ESR1: variants seen among roughly 807,000 people sequenced by gnomAD.
ESR1 encodes estrogen receptor 1.
A neutral mutation model predicts 52.7 loss-of-function variants in ESR1; 12 were observed. The ratio of observed to expected loss-of-function variants is 0.23; its 90% CI spans 0.15 to 0.37. ESR1 has a LOEUF of 0.37. Among genes scored for constraint, ESR1 ranks in the 10% least tolerant of loss-of-function variants. ESR1 has a pLI of 1.00. For synonymous variants in ESR1, 305 were observed against 316.8 expected, an observed-to-expected ratio of 0.96 and a Z score of 0.39; for missense variants, 584 against 779.7, an observed-to-expected ratio of 0.75 and a Z score of 2.99.
At chr6:151,686,412 G>A (rs1345063937), upstream of ESR1, among the ~76,000 whole-genome samples, 2 of 152,108 alleles carry the variant, frequency 1.3e-5, 1 homozygote, top group South Asian at 4.1e-4. Flanking sequence ...GGGGCTGGAC[G>A]CAGTGGCTCA....
chr6:151,982,486 A>G (rs1175070342), intron 4 of ESR1, among the ~76,000 whole-genome samples: 1 of 151,712 alleles, frequency 6.6e-6, no homozygotes, highest in Non-Finnish European at 1.5e-5. Flanking sequence ...GGCAAAGTTA[A>G]TATTTTTTTT....
intron 4 of ESR1, among the ~76,000 whole-genome samples, chr6:151,967,699 C>T (rs951679513): frequency 6.6e-6 from 1 of 152,128 alleles, no homozygotes; most frequent in African/African-American, 2.4e-5. Flanking sequence ...GGTATATACC[C>T]AGTAATGGGA....
At chr6:151,970,879 T>C (rs2038838926) in intron 4 of ESR1, among the ~76,000 whole-genome samples, 1 of 152,222 alleles carries the variant, frequency 6.6e-6, no homozygotes. Context: ...AGGCCAAGCT[T>C]AGATGCTATT....
intron 2 of ESR1, among the ~76,000 whole-genome samples, chr6:151,879,636 T>A (rs187753145): frequency 6.6e-6 from 1 of 152,306 alleles, no homozygotes; most frequent in East Asian, 1.9e-4. Flanking sequence ...GAACATCTTT[T>A]GAGTGTTTTC....
intron 6 of ESR1, among the ~76,000 whole-genome samples, chr6:152,093,044 C>T (rs1175361452): frequency 6.6e-6 from 1 of 151,948 alleles, no homozygotes; most frequent in Non-Finnish European, 1.5e-5. Flanking sequence ...TTTGGGAGGC[C>T]GAGGCAGGTG....
chr6:151,744,288 G>A (rs1369296176), intron 2 of ESR1, among the ~76,000 whole-genome samples: 2 of 152,038 alleles, frequency 1.3e-5, no homozygotes, highest in Admixed American at 6.6e-5. Flanking sequence ...CTAACTTTTT[G>A]AGAAATCTTC....
intron 3 of ESR1, among the ~76,000 whole-genome samples, chr6:151,924,834 T>A (rs2032386481): frequency 6.6e-6 from 1 of 152,184 alleles, no homozygotes; most frequent in South Asian, 2.1e-4. Flanking sequence ...TGTACTACAT[T>A]GTTTTTTTTT....
intron 2 of ESR1, among the ~76,000 whole-genome samples, chr6:151,715,002 T>C (rs1175732757): frequency 2.0e-5 from 3 of 152,220 alleles, no homozygotes; most frequent in Non-Finnish European, 4.4e-5. Flanking sequence ...ATTTAGTGTT[T>C]CTTTTAGGAG....
intron 5 of ESR1, among the ~76,000 whole-genome samples, chr6:152,045,685 T>G (rs572102909): frequency 1.3e-5 from 2 of 152,178 alleles, no homozygotes; most frequent in African/African-American, 4.8e-5. Context: ...AAGAACTCAA[T>G]GAAGGTTAGC....
At chr6:151,900,524 T>C (rs961290887) in intron 3 of ESR1, among the ~76,000 whole-genome samples, 2 of 152,216 alleles carry the variant, frequency 1.3e-5, no homozygotes, top group African/African-American at 4.8e-5. Context: ...AACCTTGTTT[T>C]GTCGTATTAC....
chr6:152,102,394 T>C lies in ESR1; in HGVS notation c.*3428T>C. The C allele has an allele frequency of 4.8e-6, 1 of 207,532 alleles. No individual in the cohort carries two copies. The highest frequency in any genetic ancestry group is 7.4e-5 in the East Asian group (1 of 13,592). The allele number at this position is 207,532 out of a possible 1,614,324, so 12.9% of individuals were successfully genotyped here. ...GGAGTGATCACTAACACCATAGTAA[T>C]GTCTAATATTCACAGGCAGATCTGC... On this transcript the variant is annotated 3_prime_UTR_variant, in exon 8 of 8. Coordinates refer to ENST00000206249, the MANE Select transcript of ESR1 (RefSeq NM_000125.4).
intron 1 of ESR1, chr6:151,701,822 A>G (rs1306053137): frequency 6.6e-6 from 1 of 152,192 alleles, no homozygotes; most frequent in African/African-American, 2.4e-5. Context: ...AATTAAGGAA[A>G]TCTGTAGAAA....
upstream of ESR1, among the ~76,000 whole-genome samples, chr6:151,806,861 A>G (rs1018392443): frequency 6.6e-6 from 1 of 152,040 alleles, no homozygotes; most frequent in Non-Finnish European, 1.5e-5. Flanking sequence ...TGCATAACCA[A>G]CCTGTGGAAG....
chr6:152,121,029 C>T (rs891773030), intron 6 of ESR1, among the ~76,000 whole-genome samples: 1 of 152,116 alleles, frequency 6.6e-6, no homozygotes, highest in Admixed American at 6.6e-5. Context: ...CAACAAGCTC[C>T]GGCAATTACT....
At chr6:151,807,496 C>G (rs867239), upstream of ESR1, 14,934 of 294,968 alleles carry the variant, frequency 0.051, 1,178 homozygotes, top group African/African-American at 0.17. Context: ...TATCCAGCAG[C>G]GACGACAAGT....
At chr6:151,707,412 T>C (rs1486957258) in intron 2 of ESR1, among the ~76,000 whole-genome samples, 1 of 151,980 alleles carries the variant, frequency 6.6e-6, no homozygotes, top group Non-Finnish European at 1.5e-5. Context: ...ACAATATAAT[T>C]AATAAAAATC....
In ESR1 at chr6:151,760,335, G is replaced by A. The variant is rs1300930402; in HGVS notation, c.-70-47508G>A. ...GACCACCCAACAAGGCATTGTAGTT[G>A]GTGGAAAACTCCATTGAAGAAAGGG... On this transcript the variant is annotated intron_variant, in intron 2 of 2. Transcript: ENST00000404742. 3.3e-5 allele frequency among the ~76,000 whole-genome samples: 5 copies of A among 152,154 alleles called. No individual in the cohort carries two copies. In the East Asian group the frequency reaches 9.6e-4, roughly 29 times the overall value.
At chr6:151,687,620 C>T (rs1246488308), upstream of ESR1, among the ~76,000 whole-genome samples, 1 of 152,136 alleles carries the variant, frequency 6.6e-6, no homozygotes, top group Non-Finnish European at 1.5e-5. Flanking sequence ...CAGGATTTTG[C>T]TTGAACAACC....
At chr6:151,875,792 A>T (rs1049381616) in intron 2 of ESR1, among the ~76,000 whole-genome samples, 1 of 152,186 alleles carries the variant, frequency 6.6e-6, no homozygotes, top group African/African-American at 2.4e-5. Flanking sequence ...GAAAGACATG[A>T]TCAGAGCTTG....
Sources: gnomAD v4.1 joint callset for allele counts (sites outside exome capture counted in the v4.1 genomes callset) on GRCh38, gnomAD v4.1.1 for gene constraint, MANE v1.5 for transcripts, NCBI Gene and HGNC (gene_info 2026-07-23, HGNC 2026-07-21) for gene names.